Variants in ATP1A4 observed in about 807,000 individuals in gnomAD.
The protein encoded by ATP1A4 is ATPase Na+/K+ transporting subunit alpha 4.
A neutral mutation model predicts 114.3 loss-of-function variants in ATP1A4; 90 were observed. That is an observed-to-expected ratio of 0.79 (90% CI 0.66 to 0.94). The LOEUF (loss-of-function observed/expected upper bound fraction) is 0.94. ATP1A4 is among the 40% of genes least tolerant of loss of function. The probability of loss-of-function intolerance (pLI) is 0.00; values close to 1 mark genes in which losing one functional copy is unlikely to be tolerated. For synonymous variants in ATP1A4, 511 were observed against 494.1 expected (o/e 1.03, Z -0.45); for missense variants, 1,222 against 1,313.6 (o/e 0.93, Z 1.08).
At chr1:160,185,854 G>T (rs903814808) in intron 20 of ATP1A4, among the ~76,000 whole-genome samples, 1 of 150,486 alleles carries the variant, frequency 6.6e-6, no homozygotes, top group Non-Finnish European at 1.5e-5. Context: ...GGGAGGCAGA[G>T]TTTGCAGTGA....
chr1:160,171,291 T>G lies in ATP1A4; in HGVS notation c.1532T>G (p.Val511Gly). ...CGGGAGGACAGCTCCCAGACCCACG[T>G]ACTGATGATGAAGGGTGCTCCGGAG... ...HLREDSSQTH[V>G]LMMKGAPERI... The change falls in exon 11 of 22, where the codon GTA becomes GGA. Residue 511 changes from valine (V) to glycine (G), a missense_variant. By Grantham distance (109) the Val-to-Gly change is moderately radical. Coordinates refer to ENST00000368081, the MANE Select transcript of ATP1A4 (RefSeq NM_144699.4). 1 of 1,613,996 alleles carries G rather than the reference T, an allele frequency of 6.2e-7. No homozygotes were observed. The highest frequency in any genetic ancestry group is 8.5e-7 in the Non-Finnish European group (1 of 1,179,940).
At position 160,176,232 on chromosome 1, in the gene ATP1A4, C is replaced by A. The variant is rs1327806879; in HGVS notation, c.2452C>A (p.Leu818Ile). 1.9e-6 allele frequency: 3 copies of A among 1,614,168 alleles called. No individual in the cohort carries two copies. The highest frequency in any genetic ancestry group is 2.5e-6 in the Non-Finnish European group (3 of 1,180,030). The change falls in exon 16 of 22, where the codon CTC (leucine) becomes ATC (isoleucine). Residue 818 changes from leucine (L) to isoleucine (I), a missense_variant. By Grantham distance (5) the Leu-to-Ile change is conservative (BLOSUM62 2). Coordinates refer to ENST00000368081, the MANE Select transcript of ATP1A4 (RefSeq NM_144699.4). ...AACCATAACCATCCTCTGCATTGAT[C>A]TCGGCACTGACATGGTAAGGGCCAA... ...LGTITILCID[L>I]GTDMVPAISL...
At chr1:160,153,324 G>A (rs1652524516) in intron 2 of ATP1A4, 100 bp downstream of exon 2, 1 of 1,062,112 alleles carries the variant, frequency 9.4e-7, no homozygotes, top group South Asian at 1.3e-5. Context: ...CTAACTTCAA[G>A]TCCAACGTTC....
intron 4 of ATP1A4, among the ~76,000 whole-genome samples, chr1:160,158,124 C>T (rs1333394198): frequency 6.6e-6 from 1 of 152,158 alleles, no homozygotes; most frequent in Non-Finnish European, 1.5e-5. Flanking sequence ...TAACAAACTA[C>T]CCTAAAACTT....
At chr1:160,184,710 T>C (rs902029122) in intron 20 of ATP1A4, among the ~76,000 whole-genome samples, 1 of 152,172 alleles carries the variant, frequency 6.6e-6, no homozygotes, top group Admixed American at 6.5e-5. Flanking sequence ...TACTAGAAAG[T>C]ATTAAATTTT....
At position 160,177,701 on chromosome 1, in the gene ATP1A4, AAG is replaced by A. The variant is rs771401728; in HGVS notation, c.2736+40_2736+41del. 7 of 1,611,278 alleles carry A rather than the reference AAG, an allele frequency of 4.3e-6. No homozygotes were observed. The South Asian group carries it at 6.6e-5, about 15-fold the overall frequency. ...GGATAAGGTAGGAGCTGAGACCAGT[AAG>A]AGTGAGAGTGACAGGGGAGAGTGAG... is the stretch of plus-strand genomic sequence containing the variant. On this transcript the variant is annotated intron_variant, in intron 18 of 21. Coordinates refer to ENST00000368081, the MANE Select transcript of ATP1A4 (RefSeq NM_144699.4).
chr1:160,186,639 C>T (rs751459769), intron 21 of ATP1A4, 32 bp from the exon 22 acceptor site: 5 of 1,604,924 alleles, frequency 3.1e-6, no homozygotes, highest in South Asian at 2.2e-5. Flanking sequence ...AATTCCTTCT[C>T]CCAGTTCACG....
At chr1:160,158,918 G>A in intron 4 of ATP1A4, 84 bp from the exon 5 acceptor site, 1 of 1,448,514 alleles carries the variant, frequency 6.9e-7, no homozygotes, top group Non-Finnish European at 9.4e-7. Context: ...GGAGGAGGGA[G>A]ACCAATAACA....
At chr1:160,177,691 T>A in intron 18 of ATP1A4, 27 bp downstream of exon 18, 5 of 1,612,634 alleles carry the variant, frequency 3.1e-6, no homozygotes, top group Non-Finnish European at 4.2e-6. Flanking sequence ...AGGTAGGAGC[T>A]GAGACCAGTA....
chr1:160,174,567 G>A lies in ATP1A4; in HGVS notation c.2143-12G>A. The A allele has an allele frequency of 1.9e-6, 3 of 1,611,686 alleles. No individual in the cohort carries two copies. Among genetic ancestry groups the A allele is most frequent in the Non-Finnish European group, 2.5e-6 (3 of 1,178,100 alleles). On this transcript the variant is annotated splice_polypyrimidine_tract_variant and intron_variant, in intron 14 of 21. Coordinates refer to ENST00000368081, the MANE Select transcript of ATP1A4 (RefSeq NM_144699.4). ...AATAAATTGTTCACTCTCTCTGTCT[G>A]GACTTCCTCAGGGAGCCGTTGTGGC... is the stretch of plus-strand genomic sequence containing the variant.
At chr1:160,153,292 G>C (rs764481787) in intron 2 of ATP1A4, 68 bp downstream of exon 2, 75 of 1,415,200 alleles carry the variant, frequency 5.3e-5, no homozygotes, top group Admixed American at 6.8e-5. Flanking sequence ...CAGGACAAAA[G>C]CTGAACTAGG....
chr1:160,168,478 G>A (rs187982183), intron 10 of ATP1A4, among the ~76,000 whole-genome samples: 163 of 150,224 alleles, frequency 1.1e-3, no homozygotes, highest in African/African-American at 3.8e-3. Flanking sequence ...CACCTCCTGG[G>A]TTCAAGGGAT....
intron 18 of ATP1A4, among the ~76,000 whole-genome samples, chr1:160,178,350 T>G (rs1653561679): frequency 7.0e-6 from 1 of 142,938 alleles, no homozygotes. Context: ...AGTAAAACTC[T>G]GTCTCAAAAA....
intron 4 of ATP1A4, among the ~76,000 whole-genome samples, chr1:160,158,578 C>T (rs1344642528): frequency 6.6e-6 from 1 of 152,030 alleles, no homozygotes; most frequent in Non-Finnish European, 1.5e-5. Flanking sequence ...CAGGGTCTCC[C>T]TATGTTGCCC....
chr1:160,186,714 GA>G lies in ATP1A4; in HGVS notation c.*16del. ...CGTACTACTAAACTCAGCAGATGAAGAGCTTCATGTGACACAGGGGTGTTGT... is the reference window on the plus strand; with the variant it reads ...CGTACTACTAAACTCAGCAGATGAAGGCTTCATGTGACACAGGGGTGTTGT... On this transcript the variant is annotated 3_prime_UTR_variant, in exon 22 of 22. Transcript: ENST00000368081. The G allele has an allele frequency of 6.2e-7, 1 of 1,609,854 alleles. No homozygotes were observed.
chr1:160,172,066 A>G (rs540781340), intron 12 of ATP1A4, among the ~76,000 whole-genome samples: 63 of 152,306 alleles, frequency 4.1e-4, no homozygotes, highest in African/African-American at 1.4e-3. Context: ...GGAGATTCCA[A>G]TGAGCAGAGA....
intron 6 of ATP1A4, among the ~76,000 whole-genome samples, chr1:160,163,640 A>G (rs1371020357): frequency 6.6e-6 from 1 of 152,140 alleles, no homozygotes; most frequent in Non-Finnish European, 1.5e-5. Context: ...GTAACCCTCC[A>G]CATGGTCATA....
intron 6 of ATP1A4, among the ~76,000 whole-genome samples, chr1:160,163,624 C>T (rs1292875376): frequency 1.3e-5 from 2 of 152,096 alleles, no homozygotes; most frequent in Non-Finnish European, 2.9e-5. Context: ...TCCAGGGTGC[C>T]CTCCAGTAAC....
At chr1:160,154,210 CTGGCATAG>C (rs1392389026) in intron 2 of ATP1A4, among the ~76,000 whole-genome samples, 1 of 151,948 alleles carries the variant, frequency 6.6e-6, no homozygotes, top group Non-Finnish European at 1.5e-5. Flanking sequence ...AAAAATTATC[CTGGCATAG>C]TGGCACACAT....
Sources: gnomAD v4.1 joint callset for allele counts (sites outside exome capture counted in the v4.1 genomes callset) on GRCh38, gnomAD v4.1.1 for gene constraint, MANE v1.5 for transcripts, NCBI Gene and HGNC (gene_info 2026-07-23, HGNC 2026-07-21) for gene names.